MYO10: variants seen among roughly 807,000 people sequenced by gnomAD.
The protein encoded by MYO10 is unconventional myosin-X.
MYO10 carries 133 observed loss-of-function variants against 257.3 expected under a neutral mutation model. The ratio of observed to expected loss-of-function variants is 0.52; its 90% CI spans 0.45 to 0.60. The LOEUF (loss-of-function observed/expected upper bound fraction) is 0.60, where lower values mean the gene tolerates loss of function less well. Ranked by LOEUF, MYO10 falls within the 20% of genes least tolerant of loss-of-function variation. The pLI is 0.00. For synonymous variants in MYO10, 1,104 were observed against 1,028.6 expected (o/e 1.07, Z -1.40); for missense variants, 2,399 against 2,635.7 (o/e 0.91, Z 1.97).
chr5:16,926,227 C>T (rs551607156), intron 1 of MYO10, among the ~76,000 whole-genome samples: 3 of 152,062 alleles, frequency 2.0e-5, no homozygotes, highest in South Asian at 2.1e-4. Flanking sequence ...TTTCAGATTA[C>T]GGATATTCAA....
At chr5:16,778,839 C>T (rs372469303) in intron 9 of MYO10, among the ~76,000 whole-genome samples, 26 of 151,952 alleles carry the variant, frequency 1.7e-4, no homozygotes, top group African/African-American at 6.0e-4. Context: ...TATAGGCGCC[C>T]GCCACCACGC....
At chr5:16,671,699 G>A (rs1169669334) in intron 37 of MYO10, among the ~76,000 whole-genome samples, 157 bp from the exon 38 acceptor site, 1 of 152,266 alleles carries the variant, frequency 6.6e-6, no homozygotes, top group Non-Finnish European at 1.5e-5. Flanking sequence ...AATAAACAGA[G>A]TGAAAAAACG....
chr5:16,669,724 T>C (rs867266966), intron 39 of MYO10, among the ~76,000 whole-genome samples: 48 of 152,340 alleles, frequency 3.2e-4, no homozygotes, highest in African/African-American at 1.0e-3. Flanking sequence ...TTATAATATT[T>C]AGAATTTTAT....
At chr5:16,904,790 G>A (rs1355048960) in intron 1 of MYO10, among the ~76,000 whole-genome samples, 2 of 152,110 alleles carry the variant, frequency 1.3e-5, no homozygotes, top group East Asian at 1.9e-4. Flanking sequence ...TTAGCCGGGC[G>A]TGGTAGCGGG....
rs368992731 is a variant in MYO10, at chr5:16,698,392, T to C, written c.3556+1058A>G. ...ATACCTAAATAAATAGATAAATAAA[T>C]AGTAAATAATTTTCCAAAAGGAGTG... On this transcript the variant is annotated intron_variant, in intron 26 of 40. Transcript: ENST00000513610. Among the ~76,000 whole-genome samples, 9 of 152,138 alleles carry C rather than the reference T, an allele frequency of 5.9e-5. No individual in the cohort carries two copies. The East Asian group carries it at 1.4e-3, about 23-fold the overall frequency.
chr5:16,808,716 G>A (rs919414748), intron 3 of MYO10, among the ~76,000 whole-genome samples: 2 of 152,050 alleles, frequency 1.3e-5, no homozygotes, highest in African/African-American at 4.8e-5. Context: ...CTATTGCATA[G>A]GCTGGAGTGC....
In MYO10 at chr5:16,701,893, T is replaced by G; in HGVS notation, c.2557-55A>C. On this transcript the variant is annotated intron_variant, in intron 24 of 40. Coordinates refer to ENST00000513610, the MANE Select transcript of MYO10 (RefSeq NM_012334.3). The surrounding 1 kb of genome is among the most constrained non-coding windows in gnomAD (Gnocchi z 8.1). Reference sequence around the variant, plus strand: ...AGGCTTCAGTACAAAAGTCCAAGCATAGCTCCCGCTTTGCAACCAGGATGA... The same window carrying G: ...AGGCTTCAGTACAAAAGTCCAAGCAGAGCTCCCGCTTTGCAACCAGGATGA... The G allele has an allele frequency of 6.6e-7, 1 of 1,525,674 alleles. No individual in the cohort carries two copies. Among genetic ancestry groups the G allele is most frequent in the Non-Finnish European group, 8.8e-7 (1 of 1,141,656 alleles). 94.5% of individuals were successfully genotyped at this position (1,525,674 alleles called of 1,614,324 possible).
At chr5:16,892,117 C>G (rs773824356) in intron 1 of MYO10, among the ~76,000 whole-genome samples, 14 of 151,820 alleles carry the variant, frequency 9.2e-5, no homozygotes, top group Non-Finnish European at 2.9e-5. Flanking sequence ...TCTACAGAAA[C>G]CATGCTACCA....
intron 3 of MYO10, among the ~76,000 whole-genome samples, chr5:16,810,972 G>A (rs1309416793): frequency 6.6e-6 from 1 of 151,064 alleles, no homozygotes; most frequent in African/African-American, 2.4e-5. Flanking sequence ...AGGAGACTGA[G>A]GCAGAAGAAT....
At chr5:16,792,130 C>CAGAG (rs1411093853) in intron 4 of MYO10, among the ~76,000 whole-genome samples, 58 of 80,672 alleles carry the variant, frequency 7.2e-4, no homozygotes, top group African/African-American at 1.7e-3. Flanking sequence ...CACACACACA[C>CAGAG]ACAGAGAGAG....
chr5:16,766,124 A>C lies in MYO10; in HGVS notation c.1135T>G (p.Phe379Val). The C allele has an allele frequency of 6.2e-7, 1 of 1,613,692 alleles. No homozygotes were observed. The highest frequency in any genetic ancestry group is 8.5e-7 in the Non-Finnish European group (1 of 1,179,640). Residue 379 changes from phenylalanine (F) to valine (V), a missense_variant, in exon 11 of 41, where the codon TTC (phenylalanine) becomes GTC (valine). This residue lies in a region of MYO10 where 337 missense variants were observed against 446.8 expected (regional missense o/e 0.75). Transcript: ENST00000513610. Reference protein sequence around the residue: ...LTDALTQRSMFLRGEEILTPL... With the variant: ...LTDALTQRSMVLRGEEILTPL... Reference sequence around the variant, plus strand: ...GTGAGGATCTCTTCTCCCCTGAGGAACATTGATCTCTGGGTCAAAGCATCT... The same window carrying C: ...GTGAGGATCTCTTCTCCCCTGAGGACCATTGATCTCTGGGTCAAAGCATCT...
chr5:16,919,761 G>A (rs1238177875), intron 1 of MYO10, among the ~76,000 whole-genome samples: 1 of 152,096 alleles, frequency 6.6e-6, no homozygotes, highest in Non-Finnish European at 1.5e-5. Flanking sequence ...TGGATCACCT[G>A]AGGTCAGGAG....
chr5:16,704,262 C>T (rs189403144), intron 22 of MYO10, among the ~76,000 whole-genome samples: 1 of 152,182 alleles, frequency 6.6e-6, no homozygotes, highest in East Asian at 1.9e-4. Context: ...GAGGTCAAGG[C>T]TGCAATAAGC....
At chr5:16,780,322 T>C (rs1310476942) in intron 8 of MYO10, among the ~76,000 whole-genome samples, 1 of 148,862 alleles carries the variant, frequency 6.7e-6, no homozygotes, top group Non-Finnish European at 1.5e-5. Flanking sequence ...AAAAAAAAAA[T>C]CTAAGGTTTC....
chr5:16,907,123 AAAAG>A (rs1440312264), intron 1 of MYO10, among the ~76,000 whole-genome samples: 13 of 152,240 alleles, frequency 8.5e-5, no homozygotes, highest in South Asian at 2.1e-4. Flanking sequence ...CAAAAAAAAG[AAAAG>A]AAAGAAAGAA....
chr5:16,766,272 G>A (rs1284476295), intron 10 of MYO10, 74 bp from the exon 11 acceptor site: 37 of 1,090,700 alleles, frequency 3.4e-5, no homozygotes, highest in Admixed American at 7.9e-5. Context: ...ATACCTTAAC[G>A]CAGAGAACAC....
intron 1 of MYO10, among the ~76,000 whole-genome samples, chr5:16,893,385 G>A (rs1451460598): frequency 1.3e-5 from 2 of 151,934 alleles, no homozygotes; most frequent in East Asian, 1.9e-4. Flanking sequence ...TGTAATCCCA[G>A]CACTTTTGAG....
At chr5:16,685,586 A>G (rs539887367) in intron 29 of MYO10, among the ~76,000 whole-genome samples, 152 bp downstream of exon 29, 26 of 152,242 alleles carry the variant, frequency 1.7e-4, no homozygotes, top group Admixed American at 9.8e-4. Context: ...CTAAACTCAA[A>G]TGGTCCTGTT....
chr5:16,793,701 A>T (rs1741840174), intron 4 of MYO10, among the ~76,000 whole-genome samples: 1 of 152,170 alleles, frequency 6.6e-6, no homozygotes, highest in African/African-American at 2.4e-5. Flanking sequence ...ATGCTGAGGC[A>T]GGCGGATCAC....
Sources: gnomAD v4.1 joint callset for allele counts (sites outside exome capture counted in the v4.1 genomes callset) on GRCh38, gnomAD v4.1.1 for gene constraint, gnomAD v4.1.1 regional missense constraint, Gnocchi (gnomAD v3.1) non-coding constraint, MANE v1.5 for transcripts, NCBI Gene and HGNC (gene_info 2026-07-23, HGNC 2026-07-21) for gene names.